The following CDK13 variants were observed in gnomAD, a reference collection of about 807,000 sequenced individuals.
The protein encoded by CDK13 is cyclin dependent kinase 13, also known as cyclin-dependent kinase 13.
CDK13 carries 40 observed loss-of-function variants against 137.6 expected under a neutral mutation model. That is an observed-to-expected ratio of 0.29 (90% CI 0.23 to 0.38). CDK13 has a LOEUF of 0.38. Ranked by LOEUF, CDK13 falls within the 10% of genes least tolerant of loss-of-function variation. The pLI is 1.00. For synonymous variants in CDK13, 869 were observed against 760.1 expected, an observed-to-expected ratio of 1.14 and a Z score of -2.36; for missense variants, 1,704 against 1,951.8, an observed-to-expected ratio of 0.87 and a Z score of 2.39.
intron 7 of CDK13, among the ~76,000 whole-genome samples, chr7:40,051,243 T>C (rs1050277390): frequency 6.6e-6 from 1 of 151,420 alleles, no homozygotes; most frequent in Non-Finnish European, 1.5e-5. Context: ...ATGGGGTTTA[T>C]ATACTCCTTT....
intron 12 of CDK13, among the ~76,000 whole-genome samples, chr7:40,089,723 A>T (rs11763568): frequency 0.027 from 3,364 of 125,018 alleles, 78 homozygotes; most frequent in African/African-American, 0.1. Flanking sequence ...AGAGAGAGAG[A>T]GTGTGTGTGT....
chr7:39,995,118 TTGC>T (rs965239211), intron 2 of CDK13, among the ~76,000 whole-genome samples: 2 of 152,098 alleles, frequency 1.3e-5, no homozygotes, highest in Non-Finnish European at 2.9e-5. Context: ...TTTATTTTTG[TTGC>T]TGGGGTGTAT....
intron 9 of CDK13, chr7:40,069,297 A>G (rs1374706869): frequency 8.8e-6 from 4 of 453,060 alleles, no homozygotes; most frequent in African/African-American, 2.0e-5. Context: ...TCATAGCATT[A>G]ATTTCTTTTC....
rs116143913 is a variant in CDK13 at position 40,041,565 on chromosome 7, A to C, written c.2354-4271A>C. 2.0e-5 allele frequency among the ~76,000 whole-genome samples: 3 copies of C among 152,320 alleles called. 1 individual carries two copies. In the South Asian group the frequency reaches 6.2e-4, roughly 32 times the overall value. The stretch of plus-strand genomic sequence containing the variant: ...GCATTTTTTAACTAGCCACATTTCA[A>C]GAGCTCATTAGCCACATGTGGCTAG... On this transcript the variant is annotated intron_variant, in intron 5 of 13. Coordinates refer to ENST00000181839, the MANE Select transcript of CDK13 (RefSeq NM_003718.5).
At chr7:39,980,751 G>A (rs962883283) in intron 1 of CDK13, among the ~76,000 whole-genome samples, 41 of 152,226 alleles carry the variant, frequency 2.7e-4, no homozygotes, top group Admixed American at 9.2e-4. Flanking sequence ...AAAATTTTTA[G>A]GACACAGTAT....
chr7:40,047,720 GGT>G, intron 6 of CDK13, 99 bp from the exon 7 acceptor site: 2 of 703,684 alleles, frequency 2.8e-6, no homozygotes, highest in Non-Finnish European at 2.3e-6. Context: ...AGTTTACATA[GGT>G]TTTTTTTTTT....
chr7:40,089,721 AGAGTGTGTGT>A (rs1211471501), intron 12 of CDK13, among the ~76,000 whole-genome samples: 2 of 126,758 alleles, frequency 1.6e-5, no homozygotes, highest in Non-Finnish European at 1.6e-5. Context: ...AGAGAGAGAG[AGAGTGTGTGT>A]GTGTGTGTGT....
At chr7:40,047,227 A>C (rs939061768) in intron 6 of CDK13, among the ~76,000 whole-genome samples, 5 of 152,198 alleles carry the variant, frequency 3.3e-5, no homozygotes, top group Non-Finnish European at 5.9e-5. Context: ...GTACACACAC[A>C]TACACATTCA....
chr7:40,071,923 T>C (rs1409378819), intron 9 of CDK13: 2 of 152,210 alleles, frequency 1.3e-5, no homozygotes, highest in African/African-American at 4.8e-5. Context: ...GTTAGTTTTC[T>C]TTGCCGGTAA....
At chr7:39,966,679 G>T (rs1330401429) in intron 1 of CDK13, among the ~76,000 whole-genome samples, 1 of 152,170 alleles carries the variant, frequency 6.6e-6, no homozygotes, top group Non-Finnish European at 1.5e-5. Flanking sequence ...TTTGGAGGAG[G>T]AGAGGCGCTC....
In CDK13 at chr7:39,950,416, C is replaced by T. The variant is rs1033969550; in HGVS notation, c.-226C>T. On this transcript the variant is annotated 5_prime_UTR_variant, in exon 1 of 14. Coordinates refer to ENST00000181839, the MANE Select transcript of CDK13 (RefSeq NM_003718.5). ...CGACGAGCGCAATCGGGAGCTCCGC[C>T]GCCCGGATTCCTGCTTCCCTGGGGC... 21 of 1,232,474 alleles carry T rather than the reference C, an allele frequency of 1.7e-5. No individual in the cohort carries two copies. Among genetic ancestry groups the T allele is most frequent in the Non-Finnish European group, 2.0e-5 (20 of 988,430 alleles). The allele number at this position is 1,232,474 out of a possible 1,614,324, so 76.3% of individuals were successfully genotyped here. A position where few individuals can be genotyped will look rare whatever the true frequency, so the allele number is the denominator to read the frequency against.
At position 40,095,086 on chromosome 7, in the gene CDK13, C is replaced by T. The variant is rs1440014330; in HGVS notation, c.*106C>T. On this transcript the variant is annotated 3_prime_UTR_variant, in exon 14 of 14. Coordinates refer to ENST00000181839, the MANE Select transcript of CDK13 (RefSeq NM_003718.5). The stretch of plus-strand genomic sequence containing the variant: ...TTGAATAATAATAATTCAACAACAG[C>T]TTTATTTTTATGTGGAGAAGGGTCT... 4.9e-6 allele frequency: 5 copies of T among 1,020,248 alleles called. No homozygotes were observed. Among genetic ancestry groups the T allele is most frequent in the Admixed American group, 3.1e-5 (1 of 32,480 alleles). 63.2% of individuals were successfully genotyped at this position (1,020,248 alleles called of 1,614,324 possible).
intron 1 of CDK13, among the ~76,000 whole-genome samples, chr7:39,959,183 CTT>C (rs568947203): frequency 2.2e-4 from 32 of 143,938 alleles, no homozygotes; most frequent in Non-Finnish European, 2.1e-4. Flanking sequence ...TAATTTCTTT[CTT>C]TTTTTTTTTT....
chr7:40,089,722 G>A (rs978197391), intron 12 of CDK13, among the ~76,000 whole-genome samples: 1 of 129,326 alleles, frequency 7.7e-6, no homozygotes, highest in Non-Finnish European at 1.5e-5. Flanking sequence ...GAGAGAGAGA[G>A]AGTGTGTGTG....
intron 1 of CDK13, among the ~76,000 whole-genome samples, chr7:39,969,070 T>A (rs897042944): frequency 1.3e-5 from 2 of 152,124 alleles, no homozygotes; most frequent in Non-Finnish European, 2.9e-5. Flanking sequence ...AGTGCAGTGG[T>A]GTGATCTCAG....
intron 7 of CDK13, among the ~76,000 whole-genome samples, chr7:40,052,775 T>C (rs1422645766): frequency 6.6e-6 from 1 of 152,162 alleles, no homozygotes. Flanking sequence ...TTTTATTCTT[T>C]TGTGTTTTAT....
intron 5 of CDK13, among the ~76,000 whole-genome samples, chr7:40,015,006 T>G (rs770019722): frequency 2.3e-4 from 35 of 152,186 alleles, no homozygotes; most frequent in Non-Finnish European, 4.3e-4. Flanking sequence ...TAAAATAGAT[T>G]GTAGTCTGTT....
chr7:40,027,589 A>G (rs888288777), intron 5 of CDK13, among the ~76,000 whole-genome samples: 1 of 143,632 alleles, frequency 7.0e-6, no homozygotes, highest in African/African-American at 2.6e-5. Context: ...TGGGAGAGAT[A>G]TGGTATTTGA....
At chr7:40,061,486 A>G (rs904365829) in intron 7 of CDK13, 5 of 152,192 alleles carry the variant, frequency 3.3e-5, no homozygotes, top group African/African-American at 1.2e-4. Context: ...TGGAACTGCA[A>G]ATCTATAGGT....
Sources: gnomAD v4.1 joint callset for allele counts (sites outside exome capture counted in the v4.1 genomes callset) on GRCh38, gnomAD v4.1.1 for gene constraint, MANE v1.5 for transcripts, NCBI Gene and HGNC (gene_info 2026-07-23, HGNC 2026-07-21) for gene names.